Variants in MCF2L observed in about 807,000 individuals in gnomAD.
MCF2L encodes MCF.2 cell line derived transforming sequence like, also known as guanine nucleotide exchange factor DBS.
A neutral mutation model predicts 153.4 loss-of-function variants in MCF2L; 97 were observed. The observed-to-expected ratio is 0.63, with a 90% CI of 0.54 to 0.75. The LOEUF is 0.75. Among genes scored for constraint, MCF2L ranks in the 30% least tolerant of loss-of-function variants. The pLI is 0.00. For synonymous variants in MCF2L, 659 were observed against 632.2 expected (o/e 1.04, Z -0.64); for missense variants, 1,347 against 1,495.2 (o/e 0.90, Z 1.64).
intron 2 of MCF2L, among the ~76,000 whole-genome samples, chr13:112,936,005 C>T (rs560473840): frequency 6.6e-6 from 1 of 152,266 alleles, no homozygotes; most frequent in Admixed American, 6.5e-5. Context: ...CTTGGCTGGG[C>T]ATGTTGGCTC....
At chr13:113,059,451 A>G (rs2030994860) in intron 4 of MCF2L, among the ~76,000 whole-genome samples, 1 of 152,152 alleles carries the variant, frequency 6.6e-6, no homozygotes, top group Admixed American at 6.5e-5. Flanking sequence ...GGGCAATGCC[A>G]TTCTTTTCTA....
upstream of MCF2L, among the ~76,000 whole-genome samples, chr13:112,964,355 A>G (rs766776630): frequency 6.6e-5 from 10 of 152,222 alleles, no homozygotes; most frequent in Non-Finnish European, 1.5e-4. Context: ...CATCCTAGCA[A>G]TACCCGGGCT....
rs754457603 is a variant in MCF2L, at chr13:113,096,624, C to T, written c.3263C>T (p.Ser1088Phe). The change falls in exon 29 of 30, where the codon TCC becomes TTC. Residue 1088 changes from serine (S) to phenylalanine (F), a missense_variant. Physicochemically the swap from Ser to Phe is radical, Grantham distance 155. This residue lies in a region of MCF2L where 383 missense variants were observed against 335.4 expected (regional missense o/e 1.14). Transcript: ENST00000535094. ...AGCCTGTCCGTCCGGCTCGGCCCGT[C>T]CGGCTCGGCCCAGTGCCTGAGCAGC... Reference protein sequence around the residue: ...ASSLSVRLGPSGSAQCLSSSE... With the variant: ...ASSLSVRLGPFGSAQCLSSSE... 1 of 1,593,350 alleles carries T rather than the reference C, an allele frequency of 6.3e-7. No homozygotes were observed. Among genetic ancestry groups the T allele is most frequent in the South Asian group, 1.1e-5 (1 of 89,264 alleles).
chr13:112,950,756 T>C (rs2081684115), intron 2 of MCF2L, among the ~76,000 whole-genome samples: 1 of 152,082 alleles, frequency 6.6e-6, no homozygotes, highest in Admixed American at 6.5e-5. Flanking sequence ...AATTTAAACA[T>C]GAAATATAAA....
intron 1 of MCF2L, among the ~76,000 whole-genome samples, chr13:112,973,454 G>T (rs2082118299): frequency 6.6e-6 from 1 of 152,208 alleles, no homozygotes. Context: ...GGATTCCGGA[G>T]CAGGTTTTAG....
chr13:112,979,838 T>A, intron 1 of MCF2L: 1 of 1,326,030 alleles, frequency 7.5e-7, no homozygotes, highest in Non-Finnish European at 1.0e-6. Flanking sequence ...GGCAGGTGCC[T>A]CCCTGGGGTA....
rs74692733 is a variant in MCF2L at position 113,087,982 on chromosome 13, A to T, written c.2688+183A>T. 5.1e-4 allele frequency among the ~76,000 whole-genome samples: 78 copies of T among 152,358 alleles called. 1 individual carries two copies. The East Asian group carries it at 0.013, about 26-fold the overall frequency. On this transcript the variant is annotated intron_variant, in intron 23 of 29. Transcript: ENST00000535094. ...CCCAGAATGAAATGTGGGGAAAAGT[A>T]CACATCAGACGGGGTGCTGCGAGGA...
chr13:113,045,094 T>C lies in MCF2L; in HGVS notation c.279-177T>C. ...CCCTTCCGTAGATGAGAGCAGGTTCTGGGACTGCGGGGATGGGGCTGCCGG... is the reference window on the plus strand; with the variant it reads ...CCCTTCCGTAGATGAGAGCAGGTTCCGGGACTGCGGGGATGGGGCTGCCGG... On this transcript the variant is annotated intron_variant, in intron 3 of 29. Coordinates refer to ENST00000535094, the MANE Select transcript of MCF2L (RefSeq NM_001112732.3). This position sits in a 1 kb window ranked among gnomAD's most constrained non-coding sequence, Gnocchi z 4.2. 1.1e-6 allele frequency: 1 copy of C among 931,578 alleles called. No individual in the cohort carries two copies. 57.7% of individuals were successfully genotyped at this position (931,578 alleles called of 1,614,324 possible).
At chr13:113,059,975 C>T (rs1480373578) in intron 4 of MCF2L, among the ~76,000 whole-genome samples, 3 of 152,266 alleles carry the variant, frequency 2.0e-5, no homozygotes, top group Non-Finnish European at 4.4e-5. Flanking sequence ...GACCACTGGG[C>T]GCACAGAAGC....
chr13:113,040,428 G>GTGTGTGTGTGTGTGTGTGTGTGTGTC (rs1158006288), intron 3 of MCF2L: 1 of 153,588 alleles, frequency 6.5e-6, no homozygotes, highest in Admixed American at 6.5e-5. Flanking sequence ...GTGTGTGTGT[G>GTGTGTGTGTGTGTGTGTGTGTGTGTC]TGTGTGTGTT....
intron 2 of MCF2L, among the ~76,000 whole-genome samples, chr13:112,963,158 G>T (rs914430953): frequency 4.6e-5 from 7 of 152,154 alleles, no homozygotes; most frequent in African/African-American, 1.7e-4. Context: ...CCTCTGAAAG[G>T]GCCCGTGGCT....
chr13:113,078,815 G>C (rs544597953), intron 15 of MCF2L, 76 bp downstream of exon 15: 3 of 1,268,396 alleles, frequency 2.4e-6, no homozygotes, highest in Non-Finnish European at 3.3e-6. Flanking sequence ...TCAGGCACTC[G>C]AGCAGATGCC....
In MCF2L at chr13:113,091,341, A is replaced by G. The variant is rs1453047366; in HGVS notation, c.2953+1613A>G. On this transcript the variant is annotated intron_variant, in intron 26 of 29. Coordinates refer to ENST00000535094, the MANE Select transcript of MCF2L (RefSeq NM_001112732.3). ...GGAGGCAGACACGCGGTTGTGTTCAATGTGTGATGCTCTGGTGACAGGTCC... is the reference window on the plus strand; with the variant it reads ...GGAGGCAGACACGCGGTTGTGTTCAGTGTGTGATGCTCTGGTGACAGGTCC... 6.7e-6 allele frequency: 4 copies of G among 596,348 alleles called. No individual in the cohort carries two copies. In the Admixed American group the frequency reaches 1.2e-4, roughly 18 times the overall value. The allele number at this position is 596,348 out of a possible 1,614,324, so 36.9% of individuals were successfully genotyped here.
chr13:113,064,171 AC>A lies in MCF2L; in HGVS notation c.490-130del. ...CCATCCGCAGTGTCCAGGTGCCCCCACCCACACAGCCGCCCGCAGCATCCAG... is the reference window on the plus strand; with the variant it reads ...CCATCCGCAGTGTCCAGGTGCCCCCACCACACAGCCGCCCGCAGCATCCAG... On this transcript the variant is annotated intron_variant, in intron 5 of 29. Transcript: ENST00000535094. The surrounding 1 kb of genome is among the most constrained non-coding windows in gnomAD (Gnocchi z 6.0). The A allele has an allele frequency of 1.4e-6, 1 of 727,800 alleles. No individual in the cohort carries two copies. Among genetic ancestry groups the A allele is most frequent in the East Asian group, 2.5e-5 (1 of 40,546 alleles). The allele number at this position is 727,800 out of a possible 1,614,324, so 45.1% of individuals were successfully genotyped here. A position where few individuals can be genotyped will look rare whatever the true frequency, so the allele number is the denominator to read the frequency against.
Position 113,027,200 on chromosome 13 carries a change from G to A in MCF2L, c.278+2442G>A, listed in dbSNP as rs187519211. On this transcript the variant is annotated intron_variant, in intron 3 of 29. Transcript: ENST00000535094. The surrounding 1 kb of genome is among the most constrained non-coding windows in gnomAD (Gnocchi z 4.8). ...TTCTTCAGTCTTTAAAGACAACAGC[G>A]CACTGGGCCTGGTAACTGAGAGCTC... 75 of 614,874 alleles carry A rather than the reference G, an allele frequency of 1.2e-4. No individual in the cohort carries two copies. Among genetic ancestry groups the A allele is most frequent in the Non-Finnish European group, 2.0e-4 (67 of 337,306 alleles). 38.1% of individuals were successfully genotyped at this position (614,874 alleles called of 1,614,324 possible).
chr13:112,977,048 C>T (rs574890500), intron 1 of MCF2L, among the ~76,000 whole-genome samples: 4 of 152,246 alleles, frequency 2.6e-5, no homozygotes, highest in African/African-American at 9.6e-5. Flanking sequence ...GTGTGCACGG[C>T]GGCTCCCACC....
At chr13:112,979,929 A>C (rs1028967641) in intron 1 of MCF2L, among the ~76,000 whole-genome samples, 1 of 151,638 alleles carries the variant, frequency 6.6e-6, no homozygotes, top group Non-Finnish European at 1.5e-5. Context: ...TGAGCATCCC[A>C]CTCCAGGTCT....
At chr13:113,044,782 C>G in intron 3 of MCF2L, 9 of 1,612,928 alleles carry the variant, frequency 5.6e-6, no homozygotes, top group Non-Finnish European at 7.6e-6. Context: ...TGCTTGGGAA[C>G]CTTCAGAAGT....
intron 1 of MCF2L, among the ~76,000 whole-genome samples, chr13:113,012,159 A>G (rs1336516909): frequency 9.6e-5 from 8 of 82,946 alleles, no homozygotes; most frequent in African/African-American, 2.2e-4. Flanking sequence ...GGACACTGTG[A>G]TGCGGACGGT....
Sources: allele counts gnomAD v4.1 joint callset (sites outside exome capture counted in the v4.1 genomes callset), GRCh38; gene constraint gnomAD v4.1.1; regional missense constraint gnomAD v4.1.1; non-coding constraint Gnocchi (gnomAD v3.1); transcripts MANE v1.5; gene names NCBI Gene and HGNC (gene_info 2026-07-23, HGNC 2026-07-21).